Variants in ZCCHC7 observed in about 807,000 individuals in gnomAD.
The protein encoded by ZCCHC7 is zinc finger CCHC domain-containing protein 7.
In ZCCHC7, 35 loss-of-function variants were observed where a neutral mutation model predicts 52.0. That is an observed-to-expected ratio of 0.67 (90% CI 0.51 to 0.89). ZCCHC7 has a LOEUF of 0.89. Among genes scored for constraint, ZCCHC7 ranks in the 40% least tolerant of loss-of-function variants. The pLI, the probability that ZCCHC7 is intolerant of heterozygous loss-of-function variation, is 0.00. For missense variants in ZCCHC7, 574 were observed against 649.1 expected (o/e 0.88, Z 1.26); for synonymous variants, 217 against 221.5 (o/e 0.98, Z 0.18).
chr9:37,325,828 G>C (rs1289592448), intron 5 of ZCCHC7, among the ~76,000 whole-genome samples: 1 of 152,094 alleles, frequency 6.6e-6, no homozygotes, highest in Non-Finnish European at 1.5e-5. Context: ...CAATACTATT[G>C]TCTAATAAAT....
intron 2 of ZCCHC7, chr9:37,147,244 A>T (rs1288584235): frequency 6.6e-6 from 1 of 152,020 alleles, no homozygotes; most frequent in Non-Finnish European, 1.5e-5. Context: ...GAAGTTTAGG[A>T]ATATAATATA....
intron 2 of ZCCHC7, among the ~76,000 whole-genome samples, chr9:37,128,135 A>G (rs938891474): frequency 6.6e-6 from 1 of 152,240 alleles, no homozygotes; most frequent in African/African-American, 2.4e-5. Flanking sequence ...AAACTTGTGA[A>G]GGAGAGACTA....
At chr9:37,127,371 G>A (rs1044616904) in intron 2 of ZCCHC7, among the ~76,000 whole-genome samples, 4 of 152,268 alleles carry the variant, frequency 2.6e-5, no homozygotes, top group African/African-American at 9.6e-5. Context: ...TAGATGGCAA[G>A]CATAGGGAAT....
intron 2 of ZCCHC7, among the ~76,000 whole-genome samples, chr9:37,224,994 A>G (rs1825021953): frequency 6.6e-6 from 1 of 152,238 alleles, no homozygotes; most frequent in Admixed American, 6.5e-5. Context: ...AGAACATTTA[A>G]GCCAGACCAA....
chr9:37,218,826 A>G (rs978344162), intron 2 of ZCCHC7, among the ~76,000 whole-genome samples: 14 of 151,998 alleles, frequency 9.2e-5, no homozygotes, highest in Admixed American at 3.9e-4. Context: ...AATAAAACGA[A>G]TTGTATCCTG....
chr9:37,218,942 A>AT (rs5897682), intron 2 of ZCCHC7, among the ~76,000 whole-genome samples: 6,340 of 106,414 alleles, frequency 0.06, 627 homozygotes, highest in African/African-American at 0.2. Context: ...CTAGAGCAAC[A>AT]TTTTTTTTTT....
intron 2 of ZCCHC7, among the ~76,000 whole-genome samples, chr9:37,237,299 T>G (rs2133341566): frequency 6.6e-6 from 1 of 152,332 alleles, no homozygotes; most frequent in African/African-American, 2.4e-5. Context: ...AGAAATGTGT[T>G]GTTTAGCAAT....
intron 8 of ZCCHC7, 35 bp from the exon 9 acceptor site, chr9:37,356,799 CT>C (rs1821728130): frequency 6.5e-7 from 1 of 1,539,780 alleles, no homozygotes; most frequent in African/African-American, 1.4e-5. Flanking sequence ...GACTGTTTAG[CT>C]GCTGAATATG....
At chr9:37,315,386 G>A (rs1309193240) in intron 5 of ZCCHC7, among the ~76,000 whole-genome samples, 3 of 151,906 alleles carry the variant, frequency 2.0e-5, no homozygotes, top group South Asian at 2.1e-4. Context: ...AATAGTAAGC[G>A]TGATCTTCGT....
chr9:37,133,297 T>C (rs1411605388), intron 2 of ZCCHC7, among the ~76,000 whole-genome samples: 1 of 152,112 alleles, frequency 6.6e-6, no homozygotes, highest in Non-Finnish European at 1.5e-5. Context: ...AACTGTTATA[T>C]TGTATTTAAG....
intron 1 of ZCCHC7, among the ~76,000 whole-genome samples, chr9:37,122,349 G>A (rs1842351753): frequency 6.6e-6 from 1 of 152,132 alleles, no homozygotes; most frequent in Non-Finnish European, 1.5e-5. Context: ...ATTTGTTAAG[G>A]TATTTTAATT....
chr9:37,190,214 A>G (rs1475061270), intron 2 of ZCCHC7, among the ~76,000 whole-genome samples: 1 of 152,102 alleles, frequency 6.6e-6, no homozygotes, highest in African/African-American at 2.4e-5. Flanking sequence ...TGCAGACCCC[A>G]CTGCTGCTGC....
intron 2 of ZCCHC7, among the ~76,000 whole-genome samples, chr9:37,162,487 T>C (rs1304952582): frequency 6.6e-6 from 1 of 152,118 alleles, no homozygotes; most frequent in Non-Finnish European, 1.5e-5. Context: ...AATCATACAG[T>C]AGGGACCCTT....
At chr9:37,129,961 G>A (rs377561335) in intron 2 of ZCCHC7, among the ~76,000 whole-genome samples, 7 of 152,270 alleles carry the variant, frequency 4.6e-5, no homozygotes, top group African/African-American at 1.4e-4. Context: ...GTTTTAGGCC[G>A]AGAGCAGTGG....
At chr9:37,273,202 C>T (rs1023196627) in intron 2 of ZCCHC7, among the ~76,000 whole-genome samples, 1 of 151,992 alleles carries the variant, frequency 6.6e-6, no homozygotes, top group African/African-American at 2.4e-5. Flanking sequence ...ACTACATGGC[C>T]CTTTAAGAAA....
At chr9:37,338,793 T>A (rs964482265) in intron 6 of ZCCHC7, among the ~76,000 whole-genome samples, 2 of 152,144 alleles carry the variant, frequency 1.3e-5, no homozygotes, top group East Asian at 3.8e-4. Context: ...GTTTTCTTTT[T>A]AAACAGAGAA....
intron 2 of ZCCHC7, among the ~76,000 whole-genome samples, chr9:37,218,458 T>C (rs1051153883): frequency 6.6e-6 from 1 of 152,206 alleles, no homozygotes. Flanking sequence ...TATAAATTCA[T>C]TCCCCCCTGT....
chr9:37,155,844 T>C (rs1820786647), intron 2 of ZCCHC7, among the ~76,000 whole-genome samples: 1 of 152,250 alleles, frequency 6.6e-6, no homozygotes, highest in South Asian at 2.1e-4. Flanking sequence ...CCCTCTCTGT[T>C]GTGCATTGTA....
intron 2 of ZCCHC7, among the ~76,000 whole-genome samples, chr9:37,273,845 T>C (rs1158602327): frequency 2.6e-5 from 4 of 152,192 alleles, no homozygotes; most frequent in Admixed American, 2.6e-4. Context: ...CTCAGAGATA[T>C]GTGGGAATTT....
Sources: gnomAD v4.1 joint callset for allele counts (sites outside exome capture counted in the v4.1 genomes callset) on GRCh38, gnomAD v4.1.1 for gene constraint, MANE v1.5 for transcripts, NCBI Gene and HGNC (gene_info 2026-07-23, HGNC 2026-07-21) for gene names.